The following THSD7B variants were observed in gnomAD, a reference collection of about 807,000 sequenced individuals.
THSD7B encodes the protein thrombospondin type 1 domain containing 7B, also known as thrombospondin type-1 domain-containing protein 7B.
A neutral mutation model predicts 213.6 loss-of-function variants in THSD7B; 138 were observed. That is an observed-to-expected ratio of 0.65 (90% confidence interval 0.56 to 0.74). The LOEUF (loss-of-function observed/expected upper bound fraction) is 0.74. Among genes scored for constraint, THSD7B ranks in the 30% least tolerant of loss-of-function variants. THSD7B has a pLI of 0.00. For synonymous variants in THSD7B, 742 were observed against 687.0 expected, an observed-to-expected ratio of 1.08 and a Z score of -1.25; for missense variants, 1,931 against 1,991.5, an observed-to-expected ratio of 0.97 and a Z score of 0.58.
chr2:136,960,337 C>T (rs1685195074), intron 2 of THSD7B, among the ~76,000 whole-genome samples: 1 of 152,122 alleles, frequency 6.6e-6, no homozygotes, highest in Middle Eastern at 3.4e-3. Flanking sequence ...TGGGGTTTTG[C>T]CCTGTTGTCC....
intron 2 of THSD7B, among the ~76,000 whole-genome samples, chr2:136,944,121 G>T (rs1261700144): frequency 6.6e-6 from 1 of 152,046 alleles, no homozygotes; most frequent in African/African-American, 2.4e-5. Flanking sequence ...TTTTATTTGT[G>T]CCTTCATTTC....
intron 2 of THSD7B, among the ~76,000 whole-genome samples, chr2:136,966,284 T>G (rs542702759): frequency 6.6e-6 from 1 of 152,176 alleles, no homozygotes; most frequent in African/African-American, 2.4e-5. Flanking sequence ...GTGGCATGAT[T>G]TTGGCTCACT....
chr2:137,302,042 G>A (rs1246992351), intron 12 of THSD7B, among the ~76,000 whole-genome samples: 1 of 152,080 alleles, frequency 6.6e-6, no homozygotes, highest in Non-Finnish European at 1.5e-5. Context: ...GGACCAGAGT[G>A]CTGTCATTAG....
intron 3 of THSD7B, among the ~76,000 whole-genome samples, chr2:137,092,609 C>T (rs1573818110): frequency 6.6e-6 from 1 of 152,058 alleles, no homozygotes; most frequent in East Asian, 1.9e-4. Context: ...TATGTGTTTT[C>T]CCAAGTTAGA....
intron 15 of THSD7B, among the ~76,000 whole-genome samples, chr2:137,486,463 C>G (rs928342071): frequency 1.3e-5 from 2 of 151,468 alleles, no homozygotes; most frequent in East Asian, 3.9e-4. Flanking sequence ...TATATATGCA[C>G]CCAATACAGG....
At chr2:137,177,141 T>C (rs1471138742) in intron 7 of THSD7B, among the ~76,000 whole-genome samples, 1 of 152,224 alleles carries the variant, frequency 6.6e-6, no homozygotes, top group African/African-American at 2.4e-5. Context: ...TCAGTCTTTA[T>C]TCATTATTTG....
chr2:137,374,149 G>A (rs892206999), intron 12 of THSD7B, among the ~76,000 whole-genome samples: 1 of 151,598 alleles, frequency 6.6e-6, no homozygotes, highest in Non-Finnish European at 1.5e-5. Flanking sequence ...TCTGTGGCAT[G>A]AGGGGAGGGA....
intron 17 of THSD7B, among the ~76,000 whole-genome samples, chr2:137,594,771 A>T (rs1681928672): frequency 6.6e-6 from 1 of 151,948 alleles, no homozygotes; most frequent in Admixed American, 6.6e-5. Context: ...TTTTTACTTG[A>T]TAATAAATGG....
intron 3 of THSD7B, among the ~76,000 whole-genome samples, chr2:137,080,996 T>C (rs960013592): frequency 3.3e-5 from 5 of 152,210 alleles, no homozygotes; most frequent in African/African-American, 1.2e-4. Flanking sequence ...AGATATATTA[T>C]TCTATTTACT....
At chr2:137,409,595 T>C (rs73958851) in intron 13 of THSD7B, among the ~76,000 whole-genome samples, 2,786 of 152,280 alleles carry the variant, frequency 0.018, 89 homozygotes, top group African/African-American at 0.063. Context: ...GAAATATGTA[T>C]GATAATTAAC....
chr2:137,398,155 C>A (rs1686243454), intron 12 of THSD7B, among the ~76,000 whole-genome samples: 1 of 150,196 alleles, frequency 6.7e-6, no homozygotes, highest in African/African-American at 2.4e-5. Context: ...CTGAAGCCTT[C>A]TCTCAGCTCG....
chr2:136,932,569 A>T (rs984111383), intron 2 of THSD7B, among the ~76,000 whole-genome samples: 14 of 152,204 alleles, frequency 9.2e-5, no homozygotes, highest in Admixed American at 6.5e-5. Flanking sequence ...CCATATTCTT[A>T]CAATTAAGTA....
At chr2:137,492,062 G>C (rs1269750295) in intron 15 of THSD7B, among the ~76,000 whole-genome samples, 1 of 151,922 alleles carries the variant, frequency 6.6e-6, no homozygotes, top group Non-Finnish European at 1.5e-5. Context: ...GCAATCTCTT[G>C]ATTAGCTCTA....
chr2:137,151,443 G>A (rs373876119), intron 5 of THSD7B, among the ~76,000 whole-genome samples: 24 of 151,814 alleles, frequency 1.6e-4, no homozygotes, highest in African/African-American at 5.8e-4. Context: ...TTGTCCCATT[G>A]GAAGATCTTT....
At chr2:136,859,920 A>G (rs1683233674) in intron 1 of THSD7B, among the ~76,000 whole-genome samples, 1 of 152,136 alleles carries the variant, frequency 6.6e-6, no homozygotes. Context: ...ATGAGAGAAC[A>G]GTAAGAGAAA....
At chr2:137,291,963 T>C (rs548018096) in intron 12 of THSD7B, among the ~76,000 whole-genome samples, 2 of 152,216 alleles carry the variant, frequency 1.3e-5, no homozygotes, top group African/African-American at 4.8e-5. Flanking sequence ...AATTTTTCCC[T>C]CAAGGGACAT....
At chr2:137,334,391 G>A (rs554735418) in intron 12 of THSD7B, among the ~76,000 whole-genome samples, 1 of 152,258 alleles carries the variant, frequency 6.6e-6, no homozygotes, top group Admixed American at 6.5e-5. Context: ...GGAAGTGATG[G>A]GAGAAGGGAG....
intron 1 of THSD7B, among the ~76,000 whole-genome samples, chr2:136,826,500 C>T (rs1682648500): frequency 1.3e-5 from 2 of 152,174 alleles, no homozygotes; most frequent in African/African-American, 4.8e-5. Flanking sequence ...CCAAGGAACA[C>T]TGGGAAAAGG....
At chr2:137,392,294 G>C (rs761065122) in intron 12 of THSD7B, among the ~76,000 whole-genome samples, 27 of 152,110 alleles carry the variant, frequency 1.8e-4, no homozygotes, top group Non-Finnish European at 2.8e-4. Flanking sequence ...CACATCCATT[G>C]TTTTTTGTTG....
Sources: gnomAD v4.1 joint callset for allele counts (sites outside exome capture counted in the v4.1 genomes callset) on GRCh38, gnomAD v4.1.1 for gene constraint, MANE v1.5 for transcripts, NCBI Gene and HGNC (gene_info 2026-07-23, HGNC 2026-07-21) for gene names.